PDE4B: variants seen among roughly 807,000 people sequenced by gnomAD.
PDE4B encodes the protein phosphodiesterase 4B.
In PDE4B, 20 loss-of-function variants were observed where a neutral mutation model predicts 82.2. That is an observed-to-expected ratio of 0.24 (90% CI 0.17 to 0.35). The LOEUF (loss-of-function observed/expected upper bound fraction) is 0.35. PDE4B is among the 10% of genes least tolerant of loss of function. The probability of loss-of-function intolerance (pLI) is 1.00; values close to 1 mark genes in which losing one functional copy is unlikely to be tolerated. For missense variants in PDE4B, 655 were observed against 907.2 expected, an observed-to-expected ratio of 0.72 and a Z score of 3.57; for synonymous variants, 320 against 318.9, an observed-to-expected ratio of 1.00 and a Z score of -0.04.
chr1:66,371,736 A>G (rs1278849375), intron 16 of PDE4B, among the ~76,000 whole-genome samples: 1 of 152,214 alleles, frequency 6.6e-6, no homozygotes, highest in East Asian at 1.9e-4. Flanking sequence ...GAGAAATTCC[A>G]GAGTAGTCAG....
chr1:66,177,250 A>C (rs1437222109), intron 3 of PDE4B, among the ~76,000 whole-genome samples: 1 of 152,222 alleles, frequency 6.6e-6, no homozygotes, highest in Admixed American at 6.5e-5. Flanking sequence ...CTCTTGTCCC[A>C]TGTTACCCCT....
At chr1:65,830,312 A>G (rs1037890740) in intron 1 of PDE4B, among the ~76,000 whole-genome samples, 3 of 152,212 alleles carry the variant, frequency 2.0e-5, no homozygotes, top group Non-Finnish European at 4.4e-5. Context: ...TCTATGAAAT[A>G]TTGTCTCCTC....
chr1:65,840,428 A>T (rs551889628), intron 1 of PDE4B, among the ~76,000 whole-genome samples: 41 of 152,288 alleles, frequency 2.7e-4, no homozygotes, highest in African/African-American at 9.9e-4. Context: ...GATACTAAAA[A>T]ATTATCCTGA....
chr1:66,264,317 G>A (rs1324208175), intron 6 of PDE4B, among the ~76,000 whole-genome samples: 1 of 152,186 alleles, frequency 6.6e-6, no homozygotes, highest in Non-Finnish European at 1.5e-5. Context: ...ACAGCCCTCA[G>A]TATTAGTGCA....
intron 1 of PDE4B, among the ~76,000 whole-genome samples, chr1:65,885,566 A>G (rs897587698): frequency 1.1e-4 from 17 of 152,264 alleles, no homozygotes; most frequent in African/African-American, 3.9e-4. Flanking sequence ...TTGTAGGGAC[A>G]TGGATGAAGC....
At chr1:66,237,996 T>G (rs1487691525) in intron 3 of PDE4B, among the ~76,000 whole-genome samples, 1 of 152,048 alleles carries the variant, frequency 6.6e-6, no homozygotes, top group Non-Finnish European at 1.5e-5. Context: ...GCAAAAAGCT[T>G]TAATAGGTAC....
intron 7 of PDE4B, among the ~76,000 whole-genome samples, chr1:66,277,348 G>A (rs1235966783): frequency 1.3e-5 from 2 of 151,960 alleles, no homozygotes; most frequent in East Asian, 1.9e-4. Flanking sequence ...ACAGATTGAC[G>A]TGATCTGATA....
chr1:65,795,417 C>A (rs1391643811), intron 1 of PDE4B, among the ~76,000 whole-genome samples: 1 of 152,216 alleles, frequency 6.6e-6, no homozygotes, highest in Non-Finnish European at 1.5e-5. Flanking sequence ...TTGCTGACCA[C>A]AAAACAAATG....
At chr1:66,220,517 G>T (rs1650892700) in intron 3 of PDE4B, among the ~76,000 whole-genome samples, 1 of 152,152 alleles carries the variant, frequency 6.6e-6, no homozygotes, top group Non-Finnish European at 1.5e-5. Flanking sequence ...TATGCTGCTT[G>T]CAAGCTGAGA....
chr1:65,991,039 A>T (rs1310603668), intron 3 of PDE4B, among the ~76,000 whole-genome samples: 1 of 151,454 alleles, frequency 6.6e-6, no homozygotes, highest in East Asian at 1.9e-4. Context: ...AGTCCTTTAG[A>T]TATTTAGCAC....
chr1:66,372,039 A>T (rs1441020229), intron 16 of PDE4B, among the ~76,000 whole-genome samples: 7 of 152,198 alleles, frequency 4.6e-5, no homozygotes, highest in Non-Finnish European at 1.0e-4. Context: ...GTCACTAGTT[A>T]TGTGACCTCT....
At chr1:66,107,629 T>C (rs1340774205) in intron 3 of PDE4B, among the ~76,000 whole-genome samples, 2 of 152,062 alleles carry the variant, frequency 1.3e-5, no homozygotes, top group Non-Finnish European at 2.9e-5. Context: ...CATATTGTTA[T>C]GCAGATATAT....
At position 66,147,970 on chromosome 1, in the gene PDE4B, T is replaced by C. The variant is rs914142028; in HGVS notation, c.282-99490T>C. Among the ~76,000 whole-genome samples, 4 of 152,278 alleles carry C rather than the reference T, an allele frequency of 2.6e-5. No homozygotes were observed. The East Asian group carries it at 7.7e-4, about 29-fold the overall frequency. ...GGGCATCACTATTTCATCTGTATCA[T>C]TAAAAGAATACATTCTTGGGCCAGG... On this transcript the variant is annotated intron_variant, in intron 3 of 16. Transcript: ENST00000341517.
At chr1:65,829,706 G>T (rs997659240) in intron 1 of PDE4B, among the ~76,000 whole-genome samples, 14 of 151,970 alleles carry the variant, frequency 9.2e-5, no homozygotes, top group African/African-American at 3.1e-4. Flanking sequence ...TAAACTCAGG[G>T]TTTAACTAAG....
chr1:66,079,693 G>C (rs529975273), intron 3 of PDE4B, among the ~76,000 whole-genome samples: 2 of 152,224 alleles, frequency 1.3e-5, no homozygotes, highest in African/African-American at 4.8e-5. Context: ...GATATTATTT[G>C]AAGATACTAA....
chr1:66,113,532 C>G (rs1026990469), intron 3 of PDE4B, among the ~76,000 whole-genome samples: 1 of 152,040 alleles, frequency 6.6e-6, no homozygotes, highest in African/African-American at 2.4e-5. Context: ...TACAGCTGCT[C>G]TAAGAGAGTG....
At chr1:66,331,477 A>T (rs1239482611) in intron 7 of PDE4B, among the ~76,000 whole-genome samples, 1 of 152,242 alleles carries the variant, frequency 6.6e-6, no homozygotes, top group African/African-American at 2.4e-5. Context: ...ATTTGTTTAG[A>T]TTCACAAACT....
chr1:65,968,684 G>A (rs1649978822), intron 3 of PDE4B, among the ~76,000 whole-genome samples: 1 of 152,072 alleles, frequency 6.6e-6, no homozygotes. Flanking sequence ...CAAATTTGGT[G>A]TTTTCTAGCA....
intron 3 of PDE4B, among the ~76,000 whole-genome samples, chr1:65,932,302 G>A (rs553555900): frequency 6.6e-6 from 1 of 152,118 alleles, no homozygotes; most frequent in South Asian, 2.1e-4. Context: ...GTTGGAAAGG[G>A]CATCAAATGA....
Sources: allele counts gnomAD v4.1 joint callset (sites outside exome capture counted in the v4.1 genomes callset), GRCh38; gene constraint gnomAD v4.1.1; transcripts MANE v1.5; gene names NCBI Gene and HGNC (gene_info 2026-07-23, HGNC 2026-07-21).